GNB4: variants seen among roughly 807,000 people sequenced by gnomAD.
The protein encoded by GNB4 is G protein subunit beta 4.
Under a neutral mutation model 45.2 loss-of-function variants are expected in GNB4, and 28 were observed. That is an observed-to-expected ratio of 0.62 (90% CI 0.46 to 0.85). The LOEUF (loss-of-function observed/expected upper bound fraction) is 0.85. Among genes scored for constraint, GNB4 ranks in the 40% least tolerant of loss-of-function variants. The probability of loss-of-function intolerance (pLI) is 0.00; values close to 1 mark genes in which losing one functional copy is unlikely to be tolerated. For missense variants in GNB4, 321 were observed against 425.4 expected (o/e 0.75, Z 2.16); for synonymous variants, 132 against 143.7 (o/e 0.92, Z 0.58).
intron 4 of GNB4, among the ~76,000 whole-genome samples, chr3:179,417,393 TTTTTG>T (rs1714830531): frequency 6.7e-6 from 1 of 150,042 alleles, no homozygotes; most frequent in Non-Finnish European, 1.5e-5. Flanking sequence ...GCCACTAAAT[TTTTTG>T]TTTTGTTTGG....
chr3:179,451,520 G>T (rs1247750590), upstream of GNB4: 2 of 150,616 alleles, frequency 1.3e-5, no homozygotes, highest in South Asian at 2.1e-4. Context: ...GCCGGAGCCG[G>T]GGCGGGGACG....
chr3:179,516,321 C>CTTCTG, the GNB4 span, among the ~76,000 whole-genome samples: 1 of 152,170 alleles, frequency 6.6e-6, no homozygotes, highest in East Asian at 1.9e-4. Context: ...AAGGCCAAAC[C>CTTCTG]TAAGAATTTT....
chr3:179,519,641 G>A, the GNB4 span, among the ~76,000 whole-genome samples: 1 of 152,080 alleles, frequency 6.6e-6, no homozygotes, highest in African/African-American at 2.4e-5. Flanking sequence ...TTAACTAAAT[G>A]ATCTGCTTCC....
At chr3:179,508,930 G>GTATATATATATATATA in the GNB4 span, among the ~76,000 whole-genome samples, 325 of 46,986 alleles carry the variant, frequency 6.9e-3, 6 homozygotes, top group South Asian at 0.018. Context: ...CTTTCAGCAT[G>GTATATATATATATATA]TGTATATATA....
intron 1 of GNB4, among the ~76,000 whole-genome samples, chr3:179,430,944 A>C (rs1260336754): frequency 1.3e-5 from 2 of 152,098 alleles, no homozygotes; most frequent in Non-Finnish European, 2.9e-5. Flanking sequence ...TATTTGCTTT[A>C]TCTTTTGTTT....
intron 9 of GNB4, among the ~76,000 whole-genome samples, chr3:179,404,539 G>T (rs1331196466): frequency 6.6e-6 from 1 of 152,110 alleles, no homozygotes; most frequent in African/African-American, 2.4e-5. Context: ...AAAACAAAGG[G>T]GGCGGGGAGA....
intron 8 of GNB4, among the ~76,000 whole-genome samples, chr3:179,408,135 T>C (rs1714532226): frequency 6.6e-6 from 1 of 152,104 alleles, no homozygotes; most frequent in Non-Finnish European, 1.5e-5. Context: ...AAATTCACAA[T>C]GTCTGGTATC....
At chr3:179,492,398 A>T in the GNB4 span, among the ~76,000 whole-genome samples, 1 of 152,212 alleles carries the variant, frequency 6.6e-6, no homozygotes, top group Non-Finnish European at 1.5e-5. Flanking sequence ...GCTGCATGCC[A>T]AACCCTAGTG....
At chr3:179,431,301 A>T (rs1173328832) in intron 1 of GNB4, among the ~76,000 whole-genome samples, 1 of 152,174 alleles carries the variant, frequency 6.6e-6, no homozygotes, top group African/African-American at 2.4e-5. Flanking sequence ...TCATACCTGT[A>T]ATCCCAGCTC....
chr3:179,513,184 C>G, the GNB4 span, among the ~76,000 whole-genome samples: 1 of 137,872 alleles, frequency 7.3e-6, no homozygotes, highest in Non-Finnish European at 1.5e-5. Context: ...TTCTCATGTG[C>G]AGCAATTTTT....
At chr3:179,451,626 G>C (rs899817013), upstream of GNB4, 3 of 151,394 alleles carry the variant, frequency 2.0e-5, no homozygotes, top group Non-Finnish European at 3.0e-5. Flanking sequence ...AGCCCGGGCG[G>C]GGGGCGAAGG....
the GNB4 span, among the ~76,000 whole-genome samples, chr3:179,479,585 G>A: frequency 6.6e-6 from 1 of 152,138 alleles, no homozygotes; most frequent in African/African-American, 2.4e-5. Context: ...TAATTGCAAA[G>A]AGAAAACACA....
intron 9 of GNB4, among the ~76,000 whole-genome samples, chr3:179,404,652 C>A (rs530294273): frequency 5.9e-5 from 9 of 152,126 alleles, no homozygotes; most frequent in Non-Finnish European, 1.3e-4. Flanking sequence ...CTATATAGGA[C>A]AACTGGATTC....
At chr3:179,467,275 G>A in the GNB4 span, among the ~76,000 whole-genome samples, 2 of 152,128 alleles carry the variant, frequency 1.3e-5, no homozygotes, top group Admixed American at 6.5e-5. Flanking sequence ...AGCCTCCCAA[G>A]TAGCGGGATT....
the GNB4 span, among the ~76,000 whole-genome samples, chr3:179,513,610 C>T: frequency 4.2e-3 from 637 of 152,130 alleles, 3 homozygotes; most frequent in African/African-American, 0.015. Context: ...TAAATACTTC[C>T]ATAGGTACCT....
chr3:179,463,000 G>A, the GNB4 span, among the ~76,000 whole-genome samples: 1 of 152,160 alleles, frequency 6.6e-6, no homozygotes, highest in South Asian at 2.1e-4. Context: ...AGAAAAAAAG[G>A]AAAGATTGAA....
chr3:179,459,958 T>C, the GNB4 span, among the ~76,000 whole-genome samples: 4 of 152,202 alleles, frequency 2.6e-5, no homozygotes, highest in African/African-American at 9.7e-5. Context: ...ATTCATTCAA[T>C]CTGGAAACAT....
chr3:179,442,310 T>C (rs1015081117), intron 1 of GNB4, among the ~76,000 whole-genome samples: 3 of 152,230 alleles, frequency 2.0e-5, no homozygotes, highest in African/African-American at 7.2e-5. Context: ...CCATTTTTAG[T>C]ATGCTTATAT....
At chr3:179,448,503 A>G (rs1418132815) in intron 1 of GNB4, among the ~76,000 whole-genome samples, 1 of 149,676 alleles carries the variant, frequency 6.7e-6, no homozygotes, top group Non-Finnish European at 1.5e-5. Context: ...GGGAGTTTAT[A>G]TTATTCACAT....
Sources: gnomAD v4.1 joint callset for allele counts (sites outside exome capture counted in the v4.1 genomes callset) on GRCh38, gnomAD v4.1.1 for gene constraint, MANE v1.5 for transcripts, NCBI Gene and HGNC (gene_info 2026-07-23, HGNC 2026-07-21) for gene names.